HEYL: variants seen among roughly 807,000 people sequenced by gnomAD.
HEYL encodes hairy/enhancer-of-split related with YRPW motif-like protein.
Under a neutral mutation model 18.6 loss-of-function variants are expected in HEYL, and 12 were observed. The ratio of observed to expected loss-of-function variants is 0.65; its 90% CI spans 0.41 to 1.05. The LOEUF is 1.05. Among genes scored for constraint, HEYL ranks in the 50% least tolerant of loss-of-function variants. HEYL has a pLI of 0.00. For synonymous variants in HEYL, 159 were observed against 179.6 expected, an observed-to-expected ratio of 0.89 and a Z score of 0.91; for missense variants, 420 against 444.7, an observed-to-expected ratio of 0.94 and a Z score of 0.50.
chr1:39,633,204 G>A lies in HEYL; in HGVS notation c.81-489C>T, dbSNP rs1646344740. The stretch of plus-strand genomic sequence containing the variant: ...CAGCTGCCGCCTCCTCCCACGCGGT[G>A]CGGCCGGGGGCGAAGGGGAGGCGGC... On this transcript the variant is annotated intron_variant, in intron 1 of 4. Coordinates refer to ENST00000372852, the MANE Select transcript of HEYL (RefSeq NM_014571.4). 9.5e-6 allele frequency: 7 copies of A among 736,234 alleles called. No individual in the cohort carries two copies. The South Asian group carries it at 4.3e-4, about 45-fold the overall frequency. The allele number at this position is 736,234 out of a possible 1,614,324, so 45.6% of individuals were successfully genotyped here.
rs1279810202 is a variant in HEYL at position 39,623,943 on chromosome 1, G to A, written c.*2564C>T. Among the ~76,000 whole-genome samples the A allele has an allele frequency of 6.6e-6, 1 of 151,894 alleles. No individual in the cohort carries two copies. The highest frequency in any genetic ancestry group is 1.5e-5 in the Non-Finnish European group (1 of 67,974). On this transcript the variant is annotated 3_prime_UTR_variant, in exon 5 of 5. Coordinates refer to ENST00000372852, the MANE Select transcript of HEYL (RefSeq NM_014571.4). The stretch of plus-strand genomic sequence containing the variant: ...TAGAACAATAGGGTAAGAGAGTGAG[G>A]TTTTCAAACTAAAGATGATACGATA...
At chr1:39,630,137 G>T in intron 4 of HEYL, 90 bp downstream of exon 4, 2 of 1,041,226 alleles carry the variant, frequency 1.9e-6, no homozygotes, top group Non-Finnish European at 1.5e-6. Context: ...AGTGGGCAGC[G>T]TGTGGACTTT....
rs879122375 is a variant in HEYL, at chr1:39,624,516, AGAG to A, written c.*1988_*1990del. The A allele has an allele frequency of 4.4e-4, 67 of 153,024 alleles. No homozygotes were observed. Among genetic ancestry groups the A allele is most frequent in the African/African-American group, 1.0e-3 (42 of 41,524 alleles). 9.5% of individuals were successfully genotyped at this position (153,024 alleles called of 1,614,324 possible). ...GACCTGGTATCCCAGGAGCAGCAGG[AGAG>A]GAGGAGGAGGAGGAGGAGTTGTCCT... On this transcript the variant is annotated 3_prime_UTR_variant, in exon 5 of 5. Transcript: ENST00000372852.
chr1:39,623,964 C>G lies in HEYL; in HGVS notation c.*2543G>C, dbSNP rs545387557. On this transcript the variant is annotated 3_prime_UTR_variant, in exon 5 of 5. Coordinates refer to ENST00000372852, the MANE Select transcript of HEYL (RefSeq NM_014571.4). ...TGAGGTTTTCAAACTAAAGATGATA[C>G]GATATGACCTGCAGCTTTCAATTTC... Among the ~76,000 whole-genome samples the G allele has an allele frequency of 6.6e-6, 1 of 152,270 alleles. No individual in the cohort carries two copies. The highest frequency in any genetic ancestry group is 2.4e-5 in the African/African-American group (1 of 41,540).
In HEYL at chr1:39,626,990, G is replaced by T. The variant is rs1342757685; in HGVS notation, c.504C>A (p.Gly168=). ...AGGGCCAGGCAGGGAAGGCCAAAGG[G>T]CCAGTGGGCGTGGGCGAAGGCTCCA... The part of the protein sequence containing the change: ...AEMEPSPTPT[G]PLAFPAWPWS... Residue 168 remains glycine, a synonymous_variant, in exon 5 of 5, where the codon GGC becomes GGA. Transcript: ENST00000372852. 1 of 1,614,052 alleles carries T rather than the reference G, an allele frequency of 6.2e-7. No individual in the cohort carries two copies. Among genetic ancestry groups the T allele is most frequent in the Non-Finnish European group, 8.5e-7 (1 of 1,180,014 alleles).
intron 4 of HEYL, 83 bp from the exon 5 acceptor site, chr1:39,627,263 T>G: frequency 7.9e-7 from 1 of 1,266,282 alleles, no homozygotes; most frequent in East Asian, 2.5e-5. Context: ...GTTCTGGACC[T>G]GCCTCCTCCA....
In HEYL at chr1:39,627,163, C is replaced by G; in HGVS notation, c.331G>C (p.Ala111Pro). Residue 111 changes from alanine to proline, a missense_variant, in exon 5 of 5, where the codon GCC becomes CCC. Transcript: ENST00000372852. ...TGGTGFFDARALAVDFRSIGF... is the reference protein window; with the variant it reads ...TGGTGFFDARPLAVDFRSIGF... ...ATGCTCCGGAAGTCAACTGCCAGGG[C>G]TCGGGCATCAAAGAATCCTGCAAAG... is the stretch of plus-strand genomic sequence containing the variant. 1 of 1,611,932 alleles carries G rather than the reference C, an allele frequency of 6.2e-7. No individual in the cohort carries two copies. Among genetic ancestry groups the G allele is most frequent in the South Asian group, 1.1e-5 (1 of 91,024 alleles).
At chr1:39,632,890 A>C (rs1306656098) in intron 1 of HEYL, 175 bp from the exon 2 acceptor site, 1 of 985,162 alleles carries the variant, frequency 1.0e-6, no homozygotes, top group African/African-American at 1.7e-5. Context: ...CTCTGGGCCC[A>C]CTTTGGGCTC....
chr1:39,637,008 G>C (rs950498068), intron 1 of HEYL, among the ~76,000 whole-genome samples: 1 of 152,180 alleles, frequency 6.6e-6, no homozygotes, highest in East Asian at 1.9e-4. Flanking sequence ...CATTTTGAAC[G>C]CGAGAAAACT....
rs760482982 is a variant in HEYL at position 39,626,996 on chromosome 1, G to A, written c.498C>T (p.Pro166=). The part of the protein sequence containing the change: ...YAAEMEPSPT[P]TGPLAFPAWP... ...AGGCAGGGAAGGCCAAAGGGCCAGT[G>A]GGCGTGGGCGAAGGCTCCATCTCGG... Residue 166 remains proline (P), a synonymous_variant, in exon 5 of 5, where the codon CCC becomes CCT. Transcript: ENST00000372852. The A allele has an allele frequency of 1.9e-6, 3 of 1,614,164 alleles. No individual in the cohort carries two copies. The South Asian group carries it at 3.3e-5, about 18-fold the overall frequency.
chr1:39,626,557 T>C lies in HEYL; in HGVS notation c.937A>G (p.Met313Val), dbSNP rs765338498. Residue 313 changes from methionine to valine, a missense_variant, in exon 5 of 5, where the codon ATG becomes GTG. Coordinates refer to ENST00000372852, the MANE Select transcript of HEYL (RefSeq NM_014571.4). Reference sequence around the variant, plus strand: ...TCAGAGACCCAGGAGTGGTAGAGCATGGCTCCCGCTGGCCTCCCAGCTGGC... The same window carrying C: ...TCAGAGACCCAGGAGTGGTAGAGCACGGCTCCCGCTGGCCTCCCAGCTGGC... Reference protein sequence around the residue: ...PGPAGRPAGAMLYHSWVSEIT... With the variant: ...PGPAGRPAGAVLYHSWVSEIT... The C allele has an allele frequency of 1.3e-6, 2 of 1,549,198 alleles. No individual in the cohort carries two copies. Among genetic ancestry groups the C allele is most frequent in the Admixed American group, 4.0e-5 (2 of 50,250 alleles).
chr1:39,639,588 TC>T lies in HEYL; in HGVS notation c.37del (p.Glu13SerfsTer14). On this transcript the variant is annotated frameshift_variant, in exon 1 of 5. Transcript: ENST00000372852. LOFTEE classifies it high-confidence loss of function. The stretch of plus-strand genomic sequence containing the variant: ...GCCCACGTCGATGGGTCCGTCGGAC[TC>T]CCCGTCGGAGCCGCTCGGCTCCTTG... ...RPKEPSGSDG[E>X]SDGPIDVGQE... 1.3e-6 allele frequency: 2 copies of T among 1,581,334 alleles called. No individual in the cohort carries two copies. Among genetic ancestry groups the T allele is most frequent in the African/African-American group, 1.4e-5 (1 of 71,282 alleles).
chr1:39,639,424 G>T lies in HEYL; in HGVS notation c.80+122C>A, dbSNP rs891018585. 3 of 697,672 alleles carry T rather than the reference G, an allele frequency of 4.3e-6. No homozygotes were observed. The African/African-American group carries it at 5.7e-5, about 13-fold the overall frequency. 43.2% of individuals were successfully genotyped at this position (697,672 alleles called of 1,614,324 possible). On this transcript the variant is annotated intron_variant, in intron 1 of 4. Coordinates refer to ENST00000372852, the MANE Select transcript of HEYL (RefSeq NM_014571.4). ...CCCTACGCCGACACCTGTGGCCCCCGCGCTCACCTGCCTCTGCCCAGGCGG... is the reference window on the plus strand; with the variant it reads ...CCCTACGCCGACACCTGTGGCCCCCTCGCTCACCTGCCTCTGCCCAGGCGG...
At position 39,626,264 on chromosome 1, in the gene HEYL, T is replaced by TCC; in HGVS notation, c.*242_*243insGG. The TCC allele has an allele frequency of 2.0e-6, 1 of 505,938 alleles. No individual in the cohort carries two copies. Among genetic ancestry groups the TCC allele is most frequent in the Non-Finnish European group, 3.4e-6 (1 of 289,964 alleles). The allele number at this position is 505,938 out of a possible 1,614,324, so 31.3% of individuals were successfully genotyped here. ...AGGGTCTCTCCCAGGACTCATCTGT[T>TCC]CAGGTGAGAAATGGAACCAAGCCTC... On this transcript the variant is annotated 3_prime_UTR_variant, in exon 5 of 5. Transcript: ENST00000372852.
chr1:39,629,357 A>G (rs921410404), intron 4 of HEYL, among the ~76,000 whole-genome samples: 11 of 152,342 alleles, frequency 7.2e-5, no homozygotes, highest in African/African-American at 2.6e-4. Flanking sequence ...AAGTTCCCAA[A>G]TGGACCACCT....
chr1:39,625,002 G>A lies in HEYL; in HGVS notation c.*1505C>T, dbSNP rs1380650655. 6.6e-6 allele frequency: 1 copy of A among 152,208 alleles called. No individual in the cohort carries two copies. Among genetic ancestry groups the A allele is most frequent in the Admixed American group, 6.5e-5 (1 of 15,280 alleles). The allele number at this position is 152,208 out of a possible 1,614,324, so 9.4% of individuals were successfully genotyped here. Reference sequence around the variant, plus strand: ...CTGGGGAGGGTGGTTCCATCAAAGGGAGGAGGTGGGAGAATCTTCCCAGGG... The same window carrying A: ...CTGGGGAGGGTGGTTCCATCAAAGGAAGGAGGTGGGAGAATCTTCCCAGGG... On this transcript the variant is annotated 3_prime_UTR_variant, in exon 5 of 5. Transcript: ENST00000372852.
chr1:39,639,446 G>A, intron 1 of HEYL, 100 bp downstream of exon 1: 4 of 936,752 alleles, frequency 4.3e-6, no homozygotes, highest in Non-Finnish European at 6.2e-6. Context: ...CTCTGCCCAG[G>A]CGGTGCTGGA....
chr1:39,633,940 C>G (rs1157262929), intron 1 of HEYL: 1 of 152,392 alleles, frequency 6.6e-6, no homozygotes, highest in East Asian at 1.9e-4. Flanking sequence ...CCTTTATCAT[C>G]TTTCATCTGG....
rs1249820589 is a variant in HEYL, at chr1:39,632,763, C to T, written c.81-48G>A. ...ATTTTTCAGGGCTGGGGGACAGTCTCCCCGGCCTGGGCCGACCTCGGGCCA... is the reference window on the plus strand; with the variant it reads ...ATTTTTCAGGGCTGGGGGACAGTCTTCCCGGCCTGGGCCGACCTCGGGCCA... On this transcript the variant is annotated intron_variant, in intron 1 of 4. Coordinates refer to ENST00000372852, the MANE Select transcript of HEYL (RefSeq NM_014571.4). 11 of 1,609,084 alleles carry T rather than the reference C, an allele frequency of 6.8e-6. No homozygotes were observed. The East Asian group carries it at 2.5e-4, about 36-fold the overall frequency.
Sources: allele counts gnomAD v4.1 joint callset (sites outside exome capture counted in the v4.1 genomes callset), GRCh38; gene constraint gnomAD v4.1.1; transcripts MANE v1.5; gene names NCBI Gene and HGNC (gene_info 2026-07-23, HGNC 2026-07-21).